SLC17A9: variants seen among roughly 807,000 people sequenced by gnomAD.
SLC17A9 encodes voltage-gated purine nucleotide uniporter SLC17A9.
In SLC17A9, 49 loss-of-function variants were observed where a neutral mutation model predicts 55.0. The observed-to-expected ratio is 0.89, with a 90% CI of 0.71 to 1.13. The LOEUF is 1.13. SLC17A9 is among the 50% of genes most tolerant of loss of function. The pLI, the probability that SLC17A9 is intolerant of heterozygous loss-of-function variation, is 0.00. For synonymous variants in SLC17A9, 256 were observed against 247.4 expected, an observed-to-expected ratio of 1.03 and a Z score of -0.32; for missense variants, 526 against 569.3, an observed-to-expected ratio of 0.92 and a Z score of 0.77.
In SLC17A9 at chr20:62,962,872, C is replaced by A; in HGVS notation, c.628+118C>A. Reference sequence around the variant, plus strand: ...CCCGGAGACGATGGCTTTGACCTCCCAAAGAATCCGCCAGTGAGGAAAAGC... The same window carrying A: ...CCCGGAGACGATGGCTTTGACCTCCAAAAGAATCCGCCAGTGAGGAAAAGC... On this transcript the variant is annotated intron_variant, in intron 5 of 12. Transcript: ENST00000370351. The surrounding 1 kb of genome is among the most constrained non-coding windows in gnomAD (Gnocchi z 5.5). 1 of 1,435,984 alleles carries A rather than the reference C, an allele frequency of 7.0e-7. No individual in the cohort carries two copies. Among genetic ancestry groups the A allele is most frequent in the Non-Finnish European group, 9.4e-7 (1 of 1,066,360 alleles). 89.0% of individuals were successfully genotyped at this position (1,435,984 alleles called of 1,614,324 possible). A position where few individuals can be genotyped will look rare whatever the true frequency, so the allele number is the denominator to read the frequency against.
chr20:62,959,784 C>T (rs2065573618), intron 3 of SLC17A9, among the ~76,000 whole-genome samples: 1 of 152,256 alleles, frequency 6.6e-6, no homozygotes, highest in Admixed American at 6.5e-5. Context: ...GTAGCATCAG[C>T]GCCCTGTAGA....
At position 62,962,443 on chromosome 20, in the gene SLC17A9, G is replaced by A; in HGVS notation, c.498-181G>A. Reference sequence around the variant, plus strand: ...CCTGTGTGCCCGGAGTCTCCCCTGAGTACCCGAAGTCCTTAACAAAACAGG... The same window carrying A: ...CCTGTGTGCCCGGAGTCTCCCCTGAATACCCGAAGTCCTTAACAAAACAGG... On this transcript the variant is annotated intron_variant, in intron 4 of 12. Coordinates refer to ENST00000370351, the MANE Select transcript of SLC17A9 (RefSeq NM_022082.4). This position sits in a 1 kb window ranked among gnomAD's most constrained non-coding sequence, Gnocchi z 5.5. 1.5e-6 allele frequency: 1 copy of A among 647,842 alleles called. No individual in the cohort carries two copies. Among genetic ancestry groups the A allele is most frequent in the Non-Finnish European group, 2.5e-6 (1 of 406,844 alleles). 40.1% of individuals were successfully genotyped at this position (647,842 alleles called of 1,614,324 possible).
rs776203674 is a variant in SLC17A9, at chr20:62,962,700, G to A, written c.574G>A (p.Gly192Ser). 14 of 1,613,954 alleles carry A rather than the reference G, an allele frequency of 8.7e-6. No homozygotes were observed. Among genetic ancestry groups the A allele is most frequent in the East Asian group, 2.2e-5 (1 of 44,886 alleles). ...GWQSIFYFSGGLTLLWVWYVY... is the reference protein window; with the variant it reads ...GWQSIFYFSGSLTLLWVWYVY... ...GCAGAGCATCTTCTATTTCTCCGGC[G>A]GCCTCACCTTGCTTTGGGTGTGGTA... is the stretch of plus-strand genomic sequence containing the variant. The change falls in exon 5 of 13, where the codon GGC (glycine) becomes AGC (serine). Residue 192 changes from glycine to serine, a missense_variant. By Grantham distance (56) the Gly-to-Ser change is moderately conservative (BLOSUM62 0). Transcript: ENST00000370351. The surrounding 1 kb of genome is among the most constrained non-coding windows in gnomAD (Gnocchi z 5.5).
rs537114848 is a variant in SLC17A9, at chr20:62,962,849, C to T, written c.628+95C>T. ...CGCTGAGCAGCCTGGAGCAGGAGCC[C>T]GGAGACGATGGCTTTGACCTCCCAA... On this transcript the variant is annotated intron_variant, in intron 5 of 12. Coordinates refer to ENST00000370351, the MANE Select transcript of SLC17A9 (RefSeq NM_022082.4). The surrounding 1 kb of genome is among the most constrained non-coding windows in gnomAD (Gnocchi z 5.5). 1.6e-4 allele frequency: 248 copies of T among 1,524,686 alleles called. 4 individuals carry two copies. In the South Asian group the frequency reaches 2.4e-3, roughly 14 times the overall value. 94.4% of individuals were successfully genotyped at this position (1,524,686 alleles called of 1,614,324 possible). A position where few individuals can be genotyped will look rare whatever the true frequency, so the allele number is the denominator to read the frequency against.
chr20:62,954,926 C>G (rs112865532), intron 1 of SLC17A9, among the ~76,000 whole-genome samples: 1 of 152,162 alleles, frequency 6.6e-6, no homozygotes, highest in Admixed American at 6.5e-5. Flanking sequence ...CCAGGCAGTG[C>G]GGGGCAGGTG....
chr20:62,956,762 C>T lies in SLC17A9; in HGVS notation c.60-3C>T, dbSNP rs370137484. 4.7e-5 allele frequency: 75 copies of T among 1,610,252 alleles called. No homozygotes were observed. The African/African-American group carries it at 9.1e-4, about 20-fold the overall frequency. ...CAGGGCCTGACCATCTCCTGTCCCA[C>T]AGGCCCGAGTGCCAGGCATGGACGG... On this transcript the variant is annotated splice_region_variant and splice_polypyrimidine_tract_variant and intron_variant, in intron 1 of 12. Coordinates refer to ENST00000370351, the MANE Select transcript of SLC17A9 (RefSeq NM_022082.4).
chr20:62,969,525 T>C lies in SLC17A9; in HGVS notation c.*2025T>C, dbSNP rs928822106. ...CAGAGTGTCCTTCGGTTTTATCAGTTTTGTCACAAGTGTCAGCATTTTTCT... is the reference window on the plus strand; with the variant it reads ...CAGAGTGTCCTTCGGTTTTATCAGTCTTGTCACAAGTGTCAGCATTTTTCT... On this transcript the variant is annotated 3_prime_UTR_variant, in exon 13 of 13. Transcript: ENST00000370351. 2 of 152,228 alleles carry C rather than the reference T, an allele frequency of 1.3e-5. No individual in the cohort carries two copies. Among genetic ancestry groups the C allele is most frequent in the African/African-American group, 4.8e-5 (2 of 41,454 alleles). 9.4% of individuals were successfully genotyped at this position (152,228 alleles called of 1,614,324 possible).
Position 62,962,635 on chromosome 20 carries a change from C to G in SLC17A9, c.509C>G (p.Thr170Ser). The G allele has an allele frequency of 6.2e-7, 1 of 1,613,986 alleles. No homozygotes were observed. The highest frequency in any genetic ancestry group is 1.1e-5 in the South Asian group (1 of 91,074). The change falls in exon 5 of 13, where the codon ACC becomes AGC. Residue 170 changes from threonine (T) to serine (S), a missense_variant. Transcript: ENST00000370351. This position sits in a 1 kb window ranked among gnomAD's most constrained non-coding sequence, Gnocchi z 5.5. ...CCCTGTCTTTGCAGGACGCTGCTGA[C>G]CGGGGCGGTGGGCTCCCTGCTCCTG... ...GAGSQFGTLL[T>S]GAVGSLLLEW...
Position 62,966,692 on chromosome 20 carries a change from C to A in SLC17A9, c.1118-11C>A. The A allele has an allele frequency of 6.2e-7, 1 of 1,613,842 alleles. No individual in the cohort carries two copies. Among genetic ancestry groups the A allele is most frequent in the Non-Finnish European group, 8.5e-7 (1 of 1,179,922 alleles). ...CCATCCATATTCTCTCTCGCTCTGG[C>A]CTCTTCACAGGTGTGGCCAACACAG... On this transcript the variant is annotated splice_polypyrimidine_tract_variant and intron_variant, in intron 11 of 12. Coordinates refer to ENST00000370351, the MANE Select transcript of SLC17A9 (RefSeq NM_022082.4).
At chr20:62,955,408 A>G (rs111643394) in intron 1 of SLC17A9, among the ~76,000 whole-genome samples, 5 of 152,124 alleles carry the variant, frequency 3.3e-5, no homozygotes, top group South Asian at 2.1e-4. Context: ...AGCCTCCCCA[A>G]GTGCTGGGAT....
At position 62,967,464 on chromosome 20, in the gene SLC17A9, G is replaced by A. The variant is rs377388441; in HGVS notation, c.1275G>A (p.Gln425=). 1.2e-6 allele frequency: 2 copies of A among 1,614,124 alleles called. No homozygotes were observed. Among genetic ancestry groups the A allele is most frequent in the East Asian group, 2.2e-5 (1 of 44,888 alleles). The change falls in exon 13 of 13, where the codon CAG becomes CAA. Residue 425 remains glutamine (Q), a synonymous_variant. Transcript: ENST00000370351. ...LCTFLVFGQA[Q]RVDLSSTHED... is the part of the protein sequence containing the mutation. Reference sequence around the variant, plus strand: ...CCTTCCTGGTGTTTGGACAGGCTCAGAGGGTGGACCTGAGCTCTACCCATG... The same window carrying A: ...CCTTCCTGGTGTTTGGACAGGCTCAAAGGGTGGACCTGAGCTCTACCCATG...
chr20:62,960,429 C>A (rs1165078331), intron 3 of SLC17A9, 75 bp from the exon 4 acceptor site: 3 of 1,411,842 alleles, frequency 2.1e-6, no homozygotes, highest in Non-Finnish European at 2.9e-6. Flanking sequence ...GGAATCACAG[C>A]CCAAACCTGA....
chr20:62,967,250 C>T, intron 12 of SLC17A9, 87 bp from the exon 13 acceptor site: 1 of 1,514,738 alleles, frequency 6.6e-7, no homozygotes. Context: ...CCCAGCCCTT[C>T]CCCTGGCACT....
rs373524750 is a variant in SLC17A9, at chr20:62,953,731, T to G, written c.59+842T>G. On this transcript the variant is annotated intron_variant, in intron 1 of 12. Coordinates refer to ENST00000370351, the MANE Select transcript of SLC17A9 (RefSeq NM_022082.4). ...CCTTCTGGCCCCACCAGTTCCCAGCTGTATGAGGGCTGAGGACCCTAGAAG... is the reference window on the plus strand; with the variant it reads ...CCTTCTGGCCCCACCAGTTCCCAGCGGTATGAGGGCTGAGGACCCTAGAAG... 1.6e-4 allele frequency among the ~76,000 whole-genome samples: 25 copies of G among 152,338 alleles called. No individual in the cohort carries two copies. The South Asian group carries it at 4.8e-3, about 29-fold the overall frequency.
intron 10 of SLC17A9, 99 bp from the exon 11 acceptor site, chr20:62,966,426 G>T: frequency 2.2e-6 from 3 of 1,364,940 alleles, no homozygotes; most frequent in South Asian, 1.3e-5. Flanking sequence ...CCCTCCCGTG[G>T]CTCCACGAGA....
At chr20:62,964,445 T>C in intron 8 of SLC17A9, 130 bp downstream of exon 8, 2 of 933,174 alleles carry the variant, frequency 2.1e-6, no homozygotes, top group South Asian at 1.4e-5. Context: ...GGCACTTCTT[T>C]CCAGGCTCGG....
At chr20:62,965,842 C>T (rs1217390762) in intron 10 of SLC17A9, 117 bp downstream of exon 10, 11 of 943,466 alleles carry the variant, frequency 1.2e-5, no homozygotes, top group Non-Finnish European at 1.8e-5. Flanking sequence ...ACTTCACCCC[C>T]TTCCCAAGCT....
rs561988405 is a variant in SLC17A9, at chr20:62,962,225, A to T, written c.498-399A>T. 1 of 155,424 alleles carries T rather than the reference A, an allele frequency of 6.4e-6. No homozygotes were observed. Among genetic ancestry groups the T allele is most frequent in the Admixed American group, 6.5e-5 (1 of 15,460 alleles). 9.6% of individuals were successfully genotyped at this position (155,424 alleles called of 1,614,324 possible). The stretch of plus-strand genomic sequence containing the variant: ...CCTCAATGATGTTTGAAGCACAAAA[A>T]CCGTGCGGAGCTTCACTGTGGTATA... On this transcript the variant is annotated intron_variant, in intron 4 of 12. Transcript: ENST00000370351. The surrounding 1 kb of genome is among the most constrained non-coding windows in gnomAD (Gnocchi z 5.5).
chr20:62,962,623 G>A lies in SLC17A9; in HGVS notation c.498-1G>A, dbSNP rs1265238967. 3 of 1,613,744 alleles carry A rather than the reference G, an allele frequency of 1.9e-6. No individual in the cohort carries two copies. Among genetic ancestry groups the A allele is most frequent in the Non-Finnish European group, 1.7e-6 (2 of 1,179,752 alleles). On this transcript the variant is annotated splice_acceptor_variant, in intron 4 of 12. Transcript: ENST00000370351. LOFTEE classifies it high-confidence loss of function. The surrounding 1 kb of genome is among the most constrained non-coding windows in gnomAD (Gnocchi z 5.5). ...TGGCCACACTCCCCCTGTCTTTGCA[G>A]GACGCTGCTGACCGGGGCGGTGGGC... is the stretch of plus-strand genomic sequence containing the variant.
Sources: allele counts gnomAD v4.1 joint callset (sites outside exome capture counted in the v4.1 genomes callset), GRCh38; gene constraint gnomAD v4.1.1; non-coding constraint Gnocchi (gnomAD v3.1); transcripts MANE v1.5; gene names NCBI Gene and HGNC (gene_info 2026-07-23, HGNC 2026-07-21).